The following SHISA9 variants were observed in gnomAD, a reference collection of about 807,000 sequenced individuals.
The protein encoded by SHISA9 is protein shisa-9.
SHISA9 carries 13 observed loss-of-function variants against 38.0 expected under a neutral mutation model. That is an observed-to-expected ratio of 0.34 (90% CI 0.22 to 0.54). The LOEUF is 0.54. SHISA9 is among the 20% of genes least tolerant of loss of function. The probability of loss-of-function intolerance (pLI) is 0.91; values close to 1 mark genes in which losing one functional copy is unlikely to be tolerated. For synonymous variants in SHISA9, 275 were observed against 242.0 expected, an observed-to-expected ratio of 1.14 and a Z score of -1.27; for missense variants, 538 against 575.8, an observed-to-expected ratio of 0.93 and a Z score of 0.67.
chr16:13,402,964 A>G, the SHISA9 span, among the ~76,000 whole-genome samples: 1 of 152,146 alleles, frequency 6.6e-6, no homozygotes, highest in African/African-American at 2.4e-5. Flanking sequence ...TAAAAGTACA[A>G]AAAATTAGCT....
chr16:13,206,627 T>C lies in SHISA9; in HGVS notation c.847+3078T>C, dbSNP rs193227320. On this transcript the variant is annotated intron_variant, in intron 3 of 4. Transcript: ENST00000558583. ...GATCTCTTAAGATTTCCAGATGGAA[T>C]CATTCAAATAGTGACTGAGCCAAAT... Among the ~76,000 whole-genome samples, 191 of 152,350 alleles carry C rather than the reference T, an allele frequency of 1.3e-3. 1 individual carries two copies. Among genetic ancestry groups the C allele is most frequent in the African/African-American group, 4.4e-3 (185 of 41,578 alleles).
chr16:13,097,027 C>T (rs73520653), intron 2 of SHISA9, among the ~76,000 whole-genome samples: 3,275 of 152,222 alleles, frequency 0.022, 131 homozygotes, highest in African/African-American at 0.075. Context: ...TTTCTCTCTC[C>T]CCAACTAGAA....
the SHISA9 span, among the ~76,000 whole-genome samples, chr16:13,341,800 A>G: frequency 2.6e-5 from 4 of 152,290 alleles, no homozygotes; most frequent in Non-Finnish European, 5.9e-5. Flanking sequence ...TAAGGATCCT[A>G]TCTATACGTA....
At chr16:13,256,799 G>A in the SHISA9 span, among the ~76,000 whole-genome samples, 2 of 152,176 alleles carry the variant, frequency 1.3e-5, no homozygotes, top group Non-Finnish European at 2.9e-5. Flanking sequence ...TTATAATAAG[G>A]GTTATTGAGG....
At chr16:13,109,352 A>G (rs1378195861) in intron 2 of SHISA9, among the ~76,000 whole-genome samples, 1 of 152,148 alleles carries the variant, frequency 6.6e-6, no homozygotes, top group African/African-American at 2.4e-5. Context: ...CTTCAAGGGT[A>G]GGCCCAACTT....
intron 2 of SHISA9, among the ~76,000 whole-genome samples, chr16:12,957,070 A>C (rs2071845796): frequency 6.6e-6 from 1 of 151,738 alleles, no homozygotes; most frequent in Non-Finnish European, 1.5e-5. Flanking sequence ...GTATTCATCT[A>C]CTCTCTTCTC....
chr16:13,529,396 C>G, the SHISA9 span, among the ~76,000 whole-genome samples: 1 of 152,136 alleles, frequency 6.6e-6, no homozygotes. Context: ...AAGCTTTGTT[C>G]CTTTAATCAT....
At chr16:13,386,416 G>C in the SHISA9 span, among the ~76,000 whole-genome samples, 2 of 152,146 alleles carry the variant, frequency 1.3e-5, no homozygotes, top group African/African-American at 4.8e-5. Context: ...TTTGAATTCA[G>C]ACAAGTCTGG....
chr16:13,275,419 C>T, the SHISA9 span, among the ~76,000 whole-genome samples: 1 of 152,060 alleles, frequency 6.6e-6, no homozygotes, highest in Middle Eastern at 3.4e-3. Flanking sequence ...TTTCTCCTTT[C>T]TTATCAATAT....
intron 2 of SHISA9, among the ~76,000 whole-genome samples, chr16:13,117,605 G>A (rs2074042973): frequency 6.6e-6 from 1 of 152,172 alleles, no homozygotes; most frequent in East Asian, 1.9e-4. Context: ...AAGAAAACTG[G>A]ACGAAATGTG....
chr16:13,389,961 C>T, the SHISA9 span, among the ~76,000 whole-genome samples: 2 of 152,116 alleles, frequency 1.3e-5, no homozygotes, highest in Non-Finnish European at 2.9e-5. Flanking sequence ...CCACTTACTT[C>T]TAAGGACAAT....
chr16:13,497,529 C>T, the SHISA9 span, among the ~76,000 whole-genome samples: 1 of 151,706 alleles, frequency 6.6e-6, no homozygotes, highest in Non-Finnish European at 1.5e-5. Flanking sequence ...ACAACAAATA[C>T]AAAAAATTAG....
intron 2 of SHISA9, among the ~76,000 whole-genome samples, chr16:13,132,041 A>T (rs1409486461): frequency 6.6e-6 from 1 of 152,218 alleles, no homozygotes; most frequent in Non-Finnish European, 1.5e-5. Context: ...CTGAGTTCTA[A>T]TCACAGCGAC....
chr16:13,310,631 A>C, the SHISA9 span, among the ~76,000 whole-genome samples: 1 of 151,184 alleles, frequency 6.6e-6, no homozygotes, highest in Non-Finnish European at 1.5e-5. Flanking sequence ...AGAAATGTGA[A>C]TGTTTGGTCT....
the SHISA9 span, among the ~76,000 whole-genome samples, chr16:13,524,591 C>G: frequency 1.4e-4 from 22 of 152,284 alleles, no homozygotes; most frequent in South Asian, 1.2e-3. Context: ...AACAGTCTTG[C>G]TTTGTCACCC....
chr16:13,424,320 G>A, the SHISA9 span, among the ~76,000 whole-genome samples: 11 of 152,228 alleles, frequency 7.2e-5, no homozygotes, highest in African/African-American at 2.7e-4. Context: ...TAATGACCTT[G>A]TGGCCAGCCC....
the SHISA9 span, among the ~76,000 whole-genome samples, chr16:13,389,204 C>G: frequency 3.3e-5 from 5 of 152,180 alleles, no homozygotes; most frequent in Non-Finnish European, 7.3e-5. Flanking sequence ...CCCTAAAAAT[C>G]CTCTGTCCTC....
intron 2 of SHISA9, among the ~76,000 whole-genome samples, chr16:13,192,592 T>C (rs2050896168): frequency 6.6e-6 from 1 of 152,088 alleles, no homozygotes; most frequent in Non-Finnish European, 1.5e-5. Context: ...AACTTGTTTA[T>C]TATCTGCATA....
intron 2 of SHISA9, among the ~76,000 whole-genome samples, chr16:13,041,019 A>G (rs1185938241): frequency 6.6e-6 from 1 of 152,128 alleles, no homozygotes; most frequent in Non-Finnish European, 1.5e-5. Context: ...AAAGCCCTTC[A>G]TCCATTCATT....
Sources: gnomAD v4.1 joint callset for allele counts (sites outside exome capture counted in the v4.1 genomes callset) on GRCh38, gnomAD v4.1.1 for gene constraint, MANE v1.5 for transcripts, NCBI Gene and HGNC (gene_info 2026-07-23, HGNC 2026-07-21) for gene names.